UNC13C: variants seen among roughly 807,000 people sequenced by gnomAD.
The protein encoded by UNC13C is protein unc-13 homolog C.
UNC13C carries 174 observed loss-of-function variants against 245.4 expected under a neutral mutation model. The observed-to-expected ratio is 0.71, with a 90% CI of 0.63 to 0.80. UNC13C has a LOEUF of 0.80. Among genes scored for constraint, UNC13C ranks in the 30% least tolerant of loss-of-function variants. The pLI is 0.00. For synonymous variants in UNC13C, 992 were observed against 895.1 expected, an observed-to-expected ratio of 1.11 and a Z score of -1.93; for missense variants, 2,829 against 2,602.9, an observed-to-expected ratio of 1.09 and a Z score of -1.89.
intron 1 of UNC13C, among the ~76,000 whole-genome samples, chr15:53,999,233 A>G (rs1452473862): frequency 1.3e-5 from 2 of 151,900 alleles, no homozygotes; most frequent in South Asian, 2.1e-4. Context: ...AGCTTTCTTT[A>G]TGGAAGATAT....
At chr15:54,536,257 T>C (rs1895977381) in intron 26 of UNC13C, among the ~76,000 whole-genome samples, 1 of 151,586 alleles carries the variant, frequency 6.6e-6, no homozygotes, top group South Asian at 2.1e-4. Context: ...CCCAGAAACA[T>C]ACAAACTACC....
intron 17 of UNC13C, among the ~76,000 whole-genome samples, chr15:54,362,123 G>T (rs1256164639): frequency 2.0e-5 from 3 of 152,164 alleles, no homozygotes; most frequent in Non-Finnish European, 4.4e-5. Flanking sequence ...GGGAAGAATA[G>T]CTGCCAAGAT....
At chr15:54,379,530 C>T (rs544685970) in intron 17 of UNC13C, among the ~76,000 whole-genome samples, 47 of 151,852 alleles carry the variant, frequency 3.1e-4, no homozygotes, top group African/African-American at 1.1e-3. Flanking sequence ...TATAAGTTAC[C>T]TTTTACAGTG....
At chr15:54,057,702 C>T (rs1040635168) in intron 2 of UNC13C, among the ~76,000 whole-genome samples, 7 of 151,910 alleles carry the variant, frequency 4.6e-5, no homozygotes, top group Admixed American at 6.6e-5. Flanking sequence ...ATTGACCACA[C>T]AGTTGGAAGT....
rs796820239 is a variant in UNC13C at position 54,613,075 on chromosome 15, G to A, written c.6107-9252G>A. Among the ~76,000 whole-genome samples the A allele has an allele frequency of 3.3e-5, 5 of 151,856 alleles. No homozygotes were observed. In the South Asian group the frequency reaches 6.2e-4, roughly 19 times the overall value. ...AGACTTCTAAACAATTTTAGAAGCAGACAACATAATTACCTACATAGAAAG... is the reference window on the plus strand; with the variant it reads ...AGACTTCTAAACAATTTTAGAAGCAAACAACATAATTACCTACATAGAAAG... On this transcript the variant is annotated intron_variant, in intron 30 of 32. Coordinates refer to ENST00000260323, the MANE Select transcript of UNC13C (RefSeq NM_001080534.3).
At chr15:54,619,386 C>T (rs1441404011) in intron 30 of UNC13C, among the ~76,000 whole-genome samples, 4 of 152,150 alleles carry the variant, frequency 2.6e-5, no homozygotes, top group African/African-American at 9.7e-5. Flanking sequence ...ATCCCTTATC[C>T]TTTCTTTGCT....
chr15:54,321,099 A>G (rs1313177830), intron 13 of UNC13C: 2 of 502,774 alleles, frequency 4.0e-6, no homozygotes, highest in East Asian at 1.1e-4. Context: ...GACCACTTTG[A>G]CCTCTTCAAC....
chr15:54,274,284 G>T (rs963332279), intron 10 of UNC13C, among the ~76,000 whole-genome samples: 18 of 152,140 alleles, frequency 1.2e-4, no homozygotes, highest in African/African-American at 4.3e-4. Context: ...AAATAGGTAA[G>T]CAATGTGTTG....
chr15:54,393,840 A>T (rs2040014710), intron 18 of UNC13C, among the ~76,000 whole-genome samples: 1 of 151,896 alleles, frequency 6.6e-6, no homozygotes, highest in Non-Finnish European at 1.5e-5. Context: ...TTATTATTAG[A>T]TGATTTCCAA....
intron 10 of UNC13C, among the ~76,000 whole-genome samples, chr15:54,268,735 A>T (rs2036610017): frequency 6.6e-6 from 1 of 152,036 alleles, no homozygotes; most frequent in Non-Finnish European, 1.5e-5. Flanking sequence ...ATGAATTAGG[A>T]GGTTTTGTCT....
At chr15:53,981,202 C>G (rs1893914121) in intron 1 of UNC13C, among the ~76,000 whole-genome samples, 1 of 152,196 alleles carries the variant, frequency 6.6e-6, no homozygotes, top group South Asian at 2.1e-4. Flanking sequence ...GCCATAACTT[C>G]TCTGAAGTAT....
At chr15:54,601,614 C>G (rs143065436) in intron 30 of UNC13C, among the ~76,000 whole-genome samples, 2 of 152,304 alleles carry the variant, frequency 1.3e-5, no homozygotes, top group African/African-American at 4.8e-5. Flanking sequence ...TATGCAAGTT[C>G]TGATGATCAC....
At chr15:54,050,386 T>G (rs182512976) in intron 2 of UNC13C, 1 of 558,600 alleles carries the variant, frequency 1.8e-6, no homozygotes, top group African/African-American at 1.9e-5. Flanking sequence ...TTTCTGTACT[T>G]GATAAGTATA....
chr15:54,200,287 A>T (rs2034481925), intron 4 of UNC13C, among the ~76,000 whole-genome samples: 1 of 152,092 alleles, frequency 6.6e-6, no homozygotes, highest in South Asian at 2.1e-4. Context: ...ACGGAAACTC[A>T]GCAAAGAAAC....
intron 19 of UNC13C, among the ~76,000 whole-genome samples, chr15:54,476,341 T>C (rs1402632487): frequency 6.8e-6 from 1 of 146,182 alleles, no homozygotes; most frequent in African/African-American, 2.5e-5. Context: ...TTTTGGCTTT[T>C]GTTGCCATTG....
Position 54,019,735 on chromosome 15 carries a change from G to A in UNC13C, c.2983+3849G>A, listed in dbSNP as rs140784522. Among the ~76,000 whole-genome samples, 512 of 152,246 alleles carry A rather than the reference G, an allele frequency of 3.4e-3. 2 individuals are homozygous for A. Among genetic ancestry groups the A allele is most frequent in the Non-Finnish European group, 6.2e-3 (425 of 68,016 alleles). On this transcript the variant is annotated intron_variant, in intron 2 of 32. Transcript: ENST00000260323. ...ACTGTCAGAATATGTTGACTTCCAAGTAAGGATATAAAACTGAAGGTATTA... is the reference window on the plus strand; with the variant it reads ...ACTGTCAGAATATGTTGACTTCCAAATAAGGATATAAAACTGAAGGTATTA...
At chr15:54,333,047 A>G (rs2140996600) in intron 15 of UNC13C, among the ~76,000 whole-genome samples, 1 of 152,120 alleles carries the variant, frequency 6.6e-6, no homozygotes, top group East Asian at 1.9e-4. Flanking sequence ...TCACCACCTC[A>G]TCATAGGCAC....
At chr15:54,401,590 G>T (rs1162768608) in intron 18 of UNC13C, among the ~76,000 whole-genome samples, 1 of 152,150 alleles carries the variant, frequency 6.6e-6, no homozygotes, top group East Asian at 1.9e-4. Flanking sequence ...TCAGAATGAA[G>T]TATAAACAGG....
chr15:54,567,631 C>T (rs1043226804), intron 29 of UNC13C, among the ~76,000 whole-genome samples, 169 bp from the exon 30 acceptor site: 1 of 152,100 alleles, frequency 6.6e-6, no homozygotes, highest in Non-Finnish European at 1.5e-5. Flanking sequence ...TGTCTAGGGA[C>T]CTGAATTAGA....
Sources: allele counts gnomAD v4.1 joint callset (sites outside exome capture counted in the v4.1 genomes callset), GRCh38; gene constraint gnomAD v4.1.1; transcripts MANE v1.5; gene names NCBI Gene and HGNC (gene_info 2026-07-23, HGNC 2026-07-21).